MIGA1: variants seen among roughly 807,000 people sequenced by gnomAD.
MIGA1 encodes the protein mitoguardin 1.
A neutral mutation model predicts 82.0 loss-of-function variants in MIGA1; 58 were observed. That is an observed-to-expected ratio of 0.71 (90% CI 0.57 to 0.88). The LOEUF is 0.88. MIGA1 is among the 40% of genes least tolerant of loss of function. The probability of loss-of-function intolerance (pLI) is 0.00; values close to 1 mark genes in which losing one functional copy is unlikely to be tolerated. For missense variants in MIGA1, 751 were observed against 749.1 expected, an observed-to-expected ratio of 1.00 and a Z score of -0.03; for synonymous variants, 249 against 253.6, an observed-to-expected ratio of 0.98 and a Z score of 0.17.
intron 13 of MIGA1, among the ~76,000 whole-genome samples, chr1:77,866,005 C>T (rs1256631954): frequency 5.9e-5 from 9 of 152,022 alleles, no homozygotes; most frequent in Non-Finnish European, 1.0e-4. Flanking sequence ...CTCCGCCTCC[C>T]GGGTTCAAGC....
chr1:77,833,183 A>G (rs1684307663), intron 7 of MIGA1, among the ~76,000 whole-genome samples: 1 of 152,174 alleles, frequency 6.6e-6, no homozygotes, highest in African/African-American at 2.4e-5. Flanking sequence ...CTGCAGAATC[A>G]TTGTGGTTGG....
chr1:77,866,610 A>G (rs936873543), intron 14 of MIGA1, among the ~76,000 whole-genome samples: 1 of 151,834 alleles, frequency 6.6e-6, no homozygotes, highest in Non-Finnish European at 1.5e-5. Flanking sequence ...TATTTCAGCT[A>G]ACTGGGAGAG....
chr1:77,821,136 A>G (rs1683791538), intron 7 of MIGA1, among the ~76,000 whole-genome samples: 1 of 149,666 alleles, frequency 6.7e-6, no homozygotes, highest in Admixed American at 6.7e-5. Context: ...TCCGTCTTAA[A>G]AAAAAAAAAA....
intron 7 of MIGA1, among the ~76,000 whole-genome samples, chr1:77,835,608 C>G (rs949009765): frequency 1.3e-5 from 2 of 151,940 alleles, no homozygotes; most frequent in Non-Finnish European, 2.9e-5. Flanking sequence ...TTCAGGTTTA[C>G]AAGATAGTAG....
chr1:77,809,321 G>C (rs1024040600), intron 5 of MIGA1, among the ~76,000 whole-genome samples: 7 of 152,120 alleles, frequency 4.6e-5, no homozygotes, highest in Admixed American at 4.6e-4. Context: ...GGTGACATAT[G>C]TTTGACTTGC....
intron 7 of MIGA1, among the ~76,000 whole-genome samples, chr1:77,833,826 C>G (rs917238651): frequency 1.3e-5 from 2 of 152,184 alleles, no homozygotes; most frequent in African/African-American, 4.8e-5. Context: ...TCACTTCTTT[C>G]TTCTTTAAAC....
chr1:77,842,965 T>C (rs998011238), intron 7 of MIGA1, among the ~76,000 whole-genome samples: 19 of 152,384 alleles, frequency 1.2e-4, no homozygotes, highest in South Asian at 2.1e-4. Flanking sequence ...GCAAGACCAC[T>C]TGCAAATAAA....
At chr1:77,799,362 A>C (rs1682783321) in intron 2 of MIGA1, among the ~76,000 whole-genome samples, 1 of 152,194 alleles carries the variant, frequency 6.6e-6, no homozygotes, top group Middle Eastern at 3.2e-3. Flanking sequence ...TGTATTAATA[A>C]GTGTTCTGAG....
intron 14 of MIGA1, among the ~76,000 whole-genome samples, chr1:77,871,097 G>A (rs1333664778): frequency 6.7e-4 from 13 of 19,466 alleles, no homozygotes; most frequent in Admixed American, 3.5e-3. Context: ...TGGGAAGGGG[G>A]AGAGGGAGAG....
chr1:77,854,038 C>G (rs1410931266), intron 8 of MIGA1: 1 of 152,756 alleles, frequency 6.5e-6, no homozygotes, highest in African/African-American at 2.4e-5. Context: ...TCCCTCACCC[C>G]CCTCCTACTC....
intron 7 of MIGA1, among the ~76,000 whole-genome samples, chr1:77,816,707 G>C (rs1683585637): frequency 6.6e-6 from 1 of 152,158 alleles, no homozygotes; most frequent in Non-Finnish European, 1.5e-5. Flanking sequence ...TAGAAAAAAA[G>C]TAGGCAGTAT....
intron 2 of MIGA1, among the ~76,000 whole-genome samples, chr1:77,788,105 C>T (rs1682252570): frequency 6.6e-6 from 1 of 152,230 alleles, no homozygotes; most frequent in Admixed American, 6.5e-5. Flanking sequence ...TGGGTTCAAG[C>T]AATTCTTCTG....
chr1:77,818,981 G>C (rs1423088786), intron 7 of MIGA1, among the ~76,000 whole-genome samples: 1 of 151,392 alleles, frequency 6.6e-6, no homozygotes, highest in Non-Finnish European at 1.5e-5. Context: ...TCGGGAGGCT[G>C]AGGGAAGAGA....
intron 9 of MIGA1, 62 bp from the exon 10 acceptor site, chr1:77,859,252 A>G (rs1685376861): frequency 2.9e-6 from 4 of 1,387,634 alleles, no homozygotes; most frequent in Admixed American, 1.7e-5. Flanking sequence ...TTTGAATCCA[A>G]ATTTATAGTA....
chr1:77,869,639 G>T (rs1026886670), intron 14 of MIGA1, among the ~76,000 whole-genome samples: 8 of 140,770 alleles, frequency 5.7e-5, no homozygotes, highest in Non-Finnish European at 9.4e-5. Context: ...TTCCCAGTAG[G>T]GGCGGCCGGG....
rs867865844 is a variant in MIGA1, at chr1:77,779,730, G to T, written c.75G>T (p.Glu25Asp). The change falls in exon 1 of 16, where the codon GAG (glutamate) becomes GAT (aspartate). Residue 25 changes from glutamate (E) to aspartate (D), a missense_variant. Around this residue, in one of 3 missense-constraint regions of MIGA1, gnomAD observed 482 missense variants for 439.4 expected, o/e 1.10. Coordinates refer to ENST00000370791, the MANE Select transcript of MIGA1 (RefSeq NM_198549.4). The stretch of plus-strand genomic sequence containing the variant: ...GCAGGCCAGCTGTACCTGGCCTGGA[G>T]CTCCAGGTACAGGGCCAGGGGCGGG... 6.4e-7 allele frequency: 1 copy of T among 1,573,204 alleles called. No individual in the cohort carries two copies.
intron 2 of MIGA1, among the ~76,000 whole-genome samples, chr1:77,783,973 T>G (rs936408446): frequency 2.0e-5 from 3 of 152,244 alleles, no homozygotes; most frequent in African/African-American, 7.2e-5. Context: ...TCATCCATGT[T>G]GTAGCATATG....
intron 8 of MIGA1, chr1:77,847,633 C>T (rs752242314): frequency 1.0e-4 from 158 of 1,553,064 alleles, no homozygotes; most frequent in Non-Finnish European, 1.3e-4. Flanking sequence ...AGGGCTGCTG[C>T]GCTGGAAGCG....
chr1:77,826,166 A>T (rs1394111684), intron 7 of MIGA1, among the ~76,000 whole-genome samples: 1 of 152,250 alleles, frequency 6.6e-6, no homozygotes, highest in African/African-American at 2.4e-5. Flanking sequence ...TGATATTGTT[A>T]GTCAATTCTG....
Sources: allele counts gnomAD v4.1 joint callset (sites outside exome capture counted in the v4.1 genomes callset), GRCh38; gene constraint gnomAD v4.1.1; regional missense constraint gnomAD v4.1.1; transcripts MANE v1.5; gene names NCBI Gene and HGNC (gene_info 2026-07-23, HGNC 2026-07-21).